The following GPHN variants were observed in gnomAD, a reference collection of about 807,000 sequenced individuals.
GPHN encodes the protein gephyrin.
Under a neutral mutation model 95.5 loss-of-function variants are expected in GPHN, and 17 were observed. That is an observed-to-expected ratio of 0.18 (90% CI 0.12 to 0.27). The LOEUF is 0.27. GPHN is among the 10% of genes least tolerant of loss of function. The probability of loss-of-function intolerance (pLI) is 1.00; values close to 1 mark genes in which losing one functional copy is unlikely to be tolerated. For missense variants in GPHN, 660 were observed against 978.1 expected (o/e 0.67, Z 4.34); for synonymous variants, 320 against 322.5 (o/e 0.99, Z 0.08).
chr14:67,317,367 A>G, the GPHN span: 1 of 1,498,138 alleles, frequency 6.7e-7, no homozygotes, highest in Non-Finnish European at 9.1e-7. Flanking sequence ...GGTTTTGTTC[A>G]CGGGAACACA....
chr14:67,174,529 C>T (rs543550573), intron 21 of GPHN, among the ~76,000 whole-genome samples: 5 of 152,154 alleles, frequency 3.3e-5, no homozygotes, highest in South Asian at 2.1e-4. Context: ...TGAATAGTGT[C>T]GCGATAAACA....
intron 1 of GPHN, among the ~76,000 whole-genome samples, chr14:66,519,609 T>C (rs1019614986): frequency 1.3e-5 from 2 of 152,128 alleles, no homozygotes; most frequent in African/African-American, 4.8e-5. Flanking sequence ...CATGCGTTCT[T>C]CAGTTTCCCA....
At chr14:67,189,665 C>CT in the GPHN span, 2 of 152,014 alleles carry the variant, frequency 1.3e-5, no homozygotes, top group African/African-American at 4.8e-5. Flanking sequence ...GGCAGAATGT[C>CT]TATTTTTTTC....
chr14:67,161,550 C>T (rs546111124), intron 19 of GPHN, among the ~76,000 whole-genome samples: 23 of 151,966 alleles, frequency 1.5e-4, no homozygotes, highest in Admixed American at 4.6e-4. Context: ...CGCTTGAGCC[C>T]GGAAGTTGGA....
At chr14:66,810,309 A>G (rs1159371544) in intron 3 of GPHN, among the ~76,000 whole-genome samples, 1 of 151,874 alleles carries the variant, frequency 6.6e-6, no homozygotes, top group Non-Finnish European at 1.5e-5. Flanking sequence ...AGACCTCTGT[A>G]TTCTCCATAG....
intron 6 of GPHN, among the ~76,000 whole-genome samples, chr14:66,916,613 C>T (rs1187489970): frequency 6.6e-6 from 1 of 151,440 alleles, no homozygotes; most frequent in Non-Finnish European, 1.5e-5. Context: ...CATTAGTCTC[C>T]AGTATGTTCC....
At chr14:66,516,208 G>A (rs1330980642) in intron 1 of GPHN, among the ~76,000 whole-genome samples, 1 of 149,634 alleles carries the variant, frequency 6.7e-6, no homozygotes, top group Non-Finnish European at 1.5e-5. Flanking sequence ...AGTAGAGACA[G>A]AGTTTTACCA....
Position 67,159,500 on chromosome 14 carries a change from A to T in GPHN, c.1910+12A>T. Reference sequence around the variant, plus strand: ...TTTATGAAACCAGGGTATGAAAATCATCTTGTTATCTCATATATGGGGTTG... The same window carrying T: ...TTTATGAAACCAGGGTATGAAAATCTTCTTGTTATCTCATATATGGGGTTG... On this transcript the variant is annotated intron_variant, in intron 19 of 22. Transcript: ENST00000478722. 1 of 1,504,336 alleles carries T rather than the reference A, an allele frequency of 6.6e-7. No individual in the cohort carries two copies. The highest frequency in any genetic ancestry group is 9.3e-7 in the Non-Finnish European group (1 of 1,079,954). The allele number at this position is 1,504,336 out of a possible 1,614,324, so 93.2% of individuals were successfully genotyped here. A position where few individuals can be genotyped will look rare whatever the true frequency, so the allele number is the denominator to read the frequency against.
chr14:67,727,469 GC>G, the GPHN span: 3 of 377,624 alleles, frequency 7.9e-6, no homozygotes, highest in South Asian at 2.6e-5. Flanking sequence ...ACAGACAGAG[GC>G]TTTTTGTTTT....
the GPHN span, chr14:67,570,039 G>T: frequency 1.4e-6 from 2 of 1,446,912 alleles, no homozygotes; most frequent in Non-Finnish European, 1.9e-6. Context: ...CAAAGAGGGG[G>T]TGTCTCATCA....
At chr14:66,759,296 A>C (rs2058678558) in intron 2 of GPHN, among the ~76,000 whole-genome samples, 2 of 152,010 alleles carry the variant, frequency 1.3e-5, no homozygotes, top group South Asian at 4.2e-4. Flanking sequence ...CAGGTTAGGA[A>C]CCCTGTATAG....
chr14:67,608,521 T>A, the GPHN span, among the ~76,000 whole-genome samples: 1 of 152,156 alleles, frequency 6.6e-6, no homozygotes, highest in African/African-American at 2.4e-5. Context: ...GACAACTGTA[T>A]ATACCACCTT....
intron 2 of GPHN, among the ~76,000 whole-genome samples, chr14:66,774,078 A>G (rs2059288124): frequency 1.5e-5 from 2 of 129,810 alleles, no homozygotes; most frequent in African/African-American, 6.1e-5. Flanking sequence ...ATCTCGGCTC[A>G]CTGCAACTCC....
chr14:67,397,702 C>T, the GPHN span: 1 of 1,613,298 alleles, frequency 6.2e-7, no homozygotes, highest in East Asian at 2.2e-5. Flanking sequence ...GGTGATGGTG[C>T]AGCCATCCAG....
At chr14:67,212,656 A>T in the GPHN span, among the ~76,000 whole-genome samples, 2 of 146,634 alleles carry the variant, frequency 1.4e-5, no homozygotes, top group African/African-American at 5.0e-5. Flanking sequence ...TATATATATA[A>T]TATATATTTA....
At chr14:67,097,749 T>C in intron 12 of GPHN, among the ~76,000 whole-genome samples, 1 of 152,176 alleles carries the variant, frequency 6.6e-6, no homozygotes, top group East Asian at 1.9e-4. Context: ...ATTAATGTGA[T>C]TATTTGATTA....
At chr14:67,653,503 G>A in the GPHN span, 19 of 1,612,774 alleles carry the variant, frequency 1.2e-5, no homozygotes, top group African/African-American at 4.0e-5. Flanking sequence ...TACCAGCTGA[G>A]AAGAGAAAAT....
the GPHN span, chr14:67,254,185 T>TC: frequency 2.7e-5 from 3 of 110,366 alleles, no homozygotes; most frequent in Non-Finnish European, 4.7e-5. Context: ...TGTCTTTCTT[T>TC]TTTTTTTTTT....
intron 21 of GPHN, chr14:67,169,250 T>C (rs1228071640): frequency 1.7e-6 from 1 of 586,970 alleles, no homozygotes; most frequent in African/African-American, 1.9e-5. Context: ...TTTCTCCAGA[T>C]AGAAGTCCAT....
Sources: allele counts gnomAD v4.1 joint callset (sites outside exome capture counted in the v4.1 genomes callset), GRCh38; gene constraint gnomAD v4.1.1; transcripts MANE v1.5; gene names NCBI Gene and HGNC (gene_info 2026-07-23, HGNC 2026-07-21).